The following DIRAS2 variants were observed in gnomAD, a reference collection of about 807,000 sequenced individuals.
DIRAS2 encodes the protein DIRAS family GTPase 2.
DIRAS2 carries 5 observed loss-of-function variants against 13.9 expected under a neutral mutation model. The observed-to-expected ratio is 0.36, with a 90% CI of 0.19 to 0.76. The LOEUF is 0.76. Among genes scored for constraint, DIRAS2 ranks in the 30% least tolerant of loss-of-function variants. DIRAS2 has a pLI of 0.53. For missense variants in DIRAS2, 191 were observed against 263.0 expected, an observed-to-expected ratio of 0.73 and a Z score of 1.89; for synonymous variants, 111 against 105.4, an observed-to-expected ratio of 1.05 and a Z score of -0.33.
Position 90,610,764 on chromosome 9 carries a change from A to G in DIRAS2, c.*2464T>C. ...AACGATCTCAAAATGAAGACCCATA[A>G]TTGAGGCTTCAATAGCCTTCCTAGC... is the stretch of plus-strand genomic sequence containing the variant. On this transcript the variant is annotated 3_prime_UTR_variant, in exon 2 of 2. Coordinates refer to ENST00000375765, the MANE Select transcript of DIRAS2 (RefSeq NM_017594.5). 4.2e-6 allele frequency: 1 copy of G among 235,922 alleles called. No homozygotes were observed. The highest frequency in any genetic ancestry group is 8.1e-6 in the Non-Finnish European group (1 of 123,406). The allele number at this position is 235,922 out of a possible 1,614,324, so 14.6% of individuals were successfully genotyped here.
intron 1 of DIRAS2, among the ~76,000 whole-genome samples, chr9:90,632,820 C>T (rs1825337264): frequency 6.6e-6 from 1 of 152,226 alleles, no homozygotes; most frequent in Non-Finnish European, 1.5e-5. Context: ...CTGGCTTCAC[C>T]TCTACTTTGC....
intron 1 of DIRAS2, among the ~76,000 whole-genome samples, chr9:90,635,065 G>C (rs1404663440): frequency 6.6e-6 from 1 of 152,220 alleles, no homozygotes; most frequent in Non-Finnish European, 1.5e-5. Flanking sequence ...GATGGTTAAA[G>C]TCACAGAGAA....
intron 1 of DIRAS2, among the ~76,000 whole-genome samples, chr9:90,618,909 C>T (rs7869011): frequency 0.12 from 17,887 of 152,046 alleles, 1,146 homozygotes; most frequent in East Asian, 0.21. Context: ...CTTGGGAGGC[C>T]GAGGCAGGCA....
intron 1 of DIRAS2, among the ~76,000 whole-genome samples, chr9:90,620,484 C>T (rs984893604): frequency 3.3e-5 from 5 of 152,118 alleles, no homozygotes; most frequent in East Asian, 1.9e-4. Flanking sequence ...AGGCTGGGCA[C>T]GGTGGCTCAT....
intron 1 of DIRAS2, among the ~76,000 whole-genome samples, chr9:90,635,723 T>A (rs1221195476): frequency 2.0e-5 from 3 of 152,154 alleles, no homozygotes; most frequent in African/African-American, 7.2e-5. Context: ...GAGACTAGAG[T>A]CAGAATAAGG....
intron 1 of DIRAS2, among the ~76,000 whole-genome samples, chr9:90,617,531 A>G (rs1385474822): frequency 1.3e-5 from 2 of 152,228 alleles, no homozygotes; most frequent in Admixed American, 6.5e-5. Context: ...GGAAATGGAT[A>G]TAATAATGCC....
chr9:90,616,234 A>T (rs1206198346), intron 1 of DIRAS2, among the ~76,000 whole-genome samples: 2 of 152,232 alleles, frequency 1.3e-5, no homozygotes, highest in Non-Finnish European at 2.9e-5. Flanking sequence ...TAAAGTATTC[A>T]TGGCTACAAT....
Position 90,613,421 on chromosome 9 carries a change from G to A in DIRAS2, c.407C>T (p.Ala136Val). 3.7e-6 allele frequency: 6 copies of A among 1,614,068 alleles called. No homozygotes were observed. Among genetic ancestry groups the A allele is most frequent in the Middle Eastern group, 1.6e-4 (1 of 6,062 alleles). ...SPSREVQSSE[A>V]EALARTWKCA... is the part of the protein sequence containing the mutation. ...CTTCCATGTGCGGGCCAAGGCCTCCGCCTCGCTGCTCTGCACCTCGCGGCT... is the reference window on the plus strand; with the variant it reads ...CTTCCATGTGCGGGCCAAGGCCTCCACCTCGCTGCTCTGCACCTCGCGGCT... Residue 136 changes from alanine to valine, a missense_variant, in exon 2 of 2, where the codon GCG (alanine) becomes GTG (valine). Ala to Val is a moderately conservative substitution (Grantham distance 64). Transcript: ENST00000375765. The surrounding 1 kb of genome is among the most constrained non-coding windows in gnomAD (Gnocchi z 5.6).
intron 1 of DIRAS2, among the ~76,000 whole-genome samples, chr9:90,633,954 T>G (rs1411009875): frequency 2.0e-5 from 3 of 152,222 alleles, no homozygotes; most frequent in Non-Finnish European, 4.4e-5. Flanking sequence ...GGTACACAGT[T>G]TTGATTTGTT....
chr9:90,621,573 T>C (rs1230339813), intron 1 of DIRAS2, among the ~76,000 whole-genome samples: 1 of 152,224 alleles, frequency 6.6e-6, no homozygotes, highest in Non-Finnish European at 1.5e-5. Context: ...ACACAATGTA[T>C]GTATTTGGTT....
chr9:90,631,495 G>C (rs1345746171), intron 1 of DIRAS2, among the ~76,000 whole-genome samples: 1 of 152,192 alleles, frequency 6.6e-6, no homozygotes, highest in African/African-American at 2.4e-5. Flanking sequence ...AGGGTCAGGA[G>C]CGGAGGCAGG....
At chr9:90,632,854 G>A (rs916391889) in intron 1 of DIRAS2, among the ~76,000 whole-genome samples, 2 of 152,218 alleles carry the variant, frequency 1.3e-5, no homozygotes, top group African/African-American at 2.4e-5. Flanking sequence ...TCTGTGGGCT[G>A]GGCAGGATCT....
chr9:90,634,491 C>T (rs1039122803), intron 1 of DIRAS2, among the ~76,000 whole-genome samples: 2 of 152,170 alleles, frequency 1.3e-5, no homozygotes, highest in Non-Finnish European at 1.5e-5. Context: ...CCAGTCAAGG[C>T]CAGGATGCCC....
At chr9:90,635,627 A>C (rs1257521538) in intron 1 of DIRAS2, among the ~76,000 whole-genome samples, 1 of 152,240 alleles carries the variant, frequency 6.6e-6, no homozygotes, top group Non-Finnish European at 1.5e-5. Context: ...ACATCATGGG[A>C]TATTTAACTC....
At chr9:90,619,370 G>A (rs2118549043) in intron 1 of DIRAS2, among the ~76,000 whole-genome samples, 1 of 152,302 alleles carries the variant, frequency 6.6e-6, no homozygotes, top group South Asian at 2.1e-4. Context: ...TTGAACCCAG[G>A]AGGCAGAGGT....
chr9:90,623,087 C>T (rs1825234614), intron 1 of DIRAS2, among the ~76,000 whole-genome samples: 1 of 152,160 alleles, frequency 6.6e-6, no homozygotes, highest in Admixed American at 6.5e-5. Flanking sequence ...TGATACCATG[C>T]TGAATTTCAA....
In DIRAS2 at chr9:90,625,421, CTA is replaced by C. The variant is rs541227595; in HGVS notation, c.-36-11560_-36-11559del. Among the ~76,000 whole-genome samples the C allele has an allele frequency of 4.3e-4, 65 of 152,318 alleles. 1 individual carries two copies. The highest frequency in any genetic ancestry group is 7.8e-4 in the Non-Finnish European group (53 of 68,038). On this transcript the variant is annotated intron_variant, in intron 1 of 1. Transcript: ENST00000375765. ...AATCCAAGGTCATGAAGATTTACTCCTATGTTTCTCTTAACAGTTTTATGGTT... is the reference window on the plus strand; with the variant it reads ...AATCCAAGGTCATGAAGATTTACTCCTGTTTCTCTTAACAGTTTTATGGTT...
At chr9:90,630,125 T>A (rs560069244) in intron 1 of DIRAS2, among the ~76,000 whole-genome samples, 1 of 152,332 alleles carries the variant, frequency 6.6e-6, no homozygotes, top group South Asian at 2.1e-4. Context: ...TTTGTCTCAG[T>A]CAATAGCAAC....
At chr9:90,639,436 C>T (rs902278784) in intron 1 of DIRAS2, among the ~76,000 whole-genome samples, 2 of 152,134 alleles carry the variant, frequency 1.3e-5, no homozygotes, top group Admixed American at 6.5e-5. Context: ...ACAGAATAGC[C>T]CACTAGCTGT....
Sources: allele counts gnomAD v4.1 joint callset (sites outside exome capture counted in the v4.1 genomes callset), GRCh38; gene constraint gnomAD v4.1.1; non-coding constraint Gnocchi (gnomAD v3.1); transcripts MANE v1.5; gene names NCBI Gene and HGNC (gene_info 2026-07-23, HGNC 2026-07-21).